LARS2: variants seen among roughly 807,000 people sequenced by gnomAD.
The protein encoded by LARS2 is leucine--tRNA ligase, mitochondrial.
LARS2 carries 81 observed loss-of-function variants against 116.6 expected under a neutral mutation model. The ratio of observed to expected loss-of-function variants is 0.69; its 90% confidence interval spans 0.58 to 0.84. The LOEUF (loss-of-function observed/expected upper bound fraction) is 0.84, where lower values mean the gene tolerates loss of function less well. Among genes scored for constraint, LARS2 ranks in the 40% least tolerant of loss-of-function variants. The pLI, the probability that LARS2 is intolerant of heterozygous loss-of-function variation, is 0.00. For synonymous variants in LARS2, 396 were observed against 407.2 expected, an observed-to-expected ratio of 0.97 and a Z score of 0.33; for missense variants, 968 against 1,114.5, an observed-to-expected ratio of 0.87 and a Z score of 1.87.
intron 17 of LARS2, among the ~76,000 whole-genome samples, chr3:45,517,110 C>G (rs1449380789): frequency 2.0e-5 from 3 of 152,164 alleles, no homozygotes; most frequent in African/African-American, 7.2e-5. Flanking sequence ...TCACAGATGC[C>G]AGTCCTAGAA....
At chr3:45,502,498 T>C (rs1700137415) in intron 15 of LARS2, among the ~76,000 whole-genome samples, 1 of 152,088 alleles carries the variant, frequency 6.6e-6, no homozygotes, top group South Asian at 2.1e-4. Flanking sequence ...CCATCATAAA[T>C]CAAGTTGTCA....
chr3:45,521,047 G>A (rs1223607531), intron 19 of LARS2, among the ~76,000 whole-genome samples: 3 of 152,160 alleles, frequency 2.0e-5, no homozygotes, highest in Non-Finnish European at 2.9e-5. Context: ...GCTCACACCT[G>A]TAATCCCAGC....
At chr3:45,481,392 T>C (rs1339322121) in intron 10 of LARS2, among the ~76,000 whole-genome samples, 1 of 152,206 alleles carries the variant, frequency 6.6e-6, no homozygotes, top group Non-Finnish European at 1.5e-5. Context: ...AGGGGTAGAA[T>C]TGCTGGGCCA....
chr3:45,438,336 G>T (rs1698839818), intron 6 of LARS2, among the ~76,000 whole-genome samples: 1 of 152,124 alleles, frequency 6.6e-6, no homozygotes, highest in South Asian at 2.1e-4. Context: ...CCATGTCACT[G>T]CTTGATGCCC....
At chr3:45,414,536 T>C (rs1698384491) in intron 4 of LARS2, among the ~76,000 whole-genome samples, 1 of 152,036 alleles carries the variant, frequency 6.6e-6, no homozygotes, top group South Asian at 2.1e-4. Context: ...TTTAAGGAAA[T>C]GTGTGTGAAC....
intron 20 of LARS2, among the ~76,000 whole-genome samples, chr3:45,529,365 G>A (rs1017151453): frequency 5.3e-5 from 8 of 151,870 alleles, no homozygotes; most frequent in Admixed American, 1.3e-4. Flanking sequence ...TCGGGAGTTC[G>A]AGACCAGCCG....
chr3:45,514,960 A>T (rs1575306782), intron 16 of LARS2, among the ~76,000 whole-genome samples: 1 of 152,158 alleles, frequency 6.6e-6, no homozygotes, highest in Admixed American at 6.5e-5. Flanking sequence ...CTGGGTGAGA[A>T]TACTTTGATC....
At chr3:45,413,141 C>T (rs1303536069) in intron 4 of LARS2, among the ~76,000 whole-genome samples, 1 of 152,232 alleles carries the variant, frequency 6.6e-6, no homozygotes, top group African/African-American at 2.4e-5. Context: ...CTAGCACCAA[C>T]CTTCTGCAGA....
chr3:45,465,589 C>T (rs994880279), intron 8 of LARS2, among the ~76,000 whole-genome samples: 1 of 152,140 alleles, frequency 6.6e-6, no homozygotes, highest in Non-Finnish European at 1.5e-5. Flanking sequence ...GGGGCCAAGG[C>T]GAGATGCTGG....
intron 4 of LARS2, among the ~76,000 whole-genome samples, chr3:45,408,529 G>T (rs1698271216): frequency 1.3e-5 from 2 of 152,224 alleles, no homozygotes. Context: ...TTCCCAAGCT[G>T]GCCCCCTCCT....
intron 5 of LARS2, 57 bp downstream of exon 5, chr3:45,417,630 T>C: frequency 7.9e-7 from 1 of 1,262,774 alleles, no homozygotes; most frequent in Non-Finnish European, 1.1e-6. Context: ...AAAAAATTTT[T>C]TTAACCTGTG....
chr3:45,519,678 C>G (rs1009878931), intron 18 of LARS2: 1 of 150,790 alleles, frequency 6.6e-6, no homozygotes, highest in South Asian at 2.1e-4. Flanking sequence ...GACAAAGTCT[C>G]ACTCTGTTGC....
In LARS2 at chr3:45,394,625, G is replaced by A. The variant is rs777055524; in HGVS notation, c.172G>A (p.Asp58Asn). 1 of 1,614,192 alleles carries A rather than the reference G, an allele frequency of 6.2e-7. No individual in the cohort carries two copies. Among genetic ancestry groups the A allele is most frequent in the Non-Finnish European group, 8.5e-7 (1 of 1,180,032 alleles). The change falls in exon 3 of 22, where the codon GAT (aspartate) becomes AAT (asparagine). Residue 58 changes from aspartate to asparagine, a missense_variant. By Grantham distance (23) the Asp-to-Asn change is conservative (BLOSUM62 1). Coordinates refer to ENST00000645846, the MANE Select transcript of LARS2 (RefSeq NM_015340.4). ...AGAGTATACATTGCAGACAAGAAAG[G>A]ATGTTGAGAAATGGTGGCATCAACG... ...TKEYTLQTRK[D>N]VEKWWHQRIK...
At chr3:45,399,300 G>A (rs987894666) in intron 3 of LARS2, among the ~76,000 whole-genome samples, 4 of 152,162 alleles carry the variant, frequency 2.6e-5, no homozygotes, top group African/African-American at 9.7e-5. Context: ...TCAGAATGCA[G>A]CTATAGAGAA....
chr3:45,401,224 T>A (rs1186475027), intron 4 of LARS2, among the ~76,000 whole-genome samples: 1 of 152,178 alleles, frequency 6.6e-6, no homozygotes, highest in African/African-American at 2.4e-5. Context: ...ACATCTGGTC[T>A]GGGCACCTGG....
intron 8 of LARS2, among the ~76,000 whole-genome samples, chr3:45,467,225 C>T (rs182967102): frequency 8.5e-5 from 13 of 152,070 alleles, no homozygotes; most frequent in Non-Finnish European, 1.9e-4. Flanking sequence ...CAGTAAAGAC[C>T]GATCCAATGG....
chr3:45,408,319 C>T (rs1698266883), intron 4 of LARS2, among the ~76,000 whole-genome samples: 1 of 152,246 alleles, frequency 6.6e-6, no homozygotes, highest in African/African-American at 2.4e-5. Context: ...ACCCCCTGGC[C>T]AGGGCTCTGA....
chr3:45,457,331 T>A (rs1221407104), intron 7 of LARS2, among the ~76,000 whole-genome samples: 1 of 152,032 alleles, frequency 6.6e-6, no homozygotes, highest in Non-Finnish European at 1.5e-5. Context: ...AGGAAGAGGG[T>A]CTGGAGGGGC....
At chr3:45,406,453 C>T (rs1475398851) in intron 4 of LARS2, among the ~76,000 whole-genome samples, 2 of 152,094 alleles carry the variant, frequency 1.3e-5, no homozygotes, top group East Asian at 3.9e-4. Context: ...GGACATGGTT[C>T]TCTAGGTTGG....
Sources: allele counts gnomAD v4.1 joint callset (sites outside exome capture counted in the v4.1 genomes callset), GRCh38; gene constraint gnomAD v4.1.1; transcripts MANE v1.5; gene names NCBI Gene and HGNC (gene_info 2026-07-23, HGNC 2026-07-21).